Variants in ARHGAP6 observed in about 807,000 individuals in gnomAD.
ARHGAP6 encodes rho GTPase-activating protein 6.
In ARHGAP6, 16 loss-of-function variants were observed where a neutral mutation model predicts 55.7. The ratio of observed to expected loss-of-function variants is 0.29; its 90% CI spans 0.19 to 0.44. The LOEUF is 0.44. Ranked by LOEUF, ARHGAP6 falls within the 20% of genes least tolerant of loss-of-function variation. ARHGAP6 has a pLI of 1.00. For synonymous variants in ARHGAP6, 382 were observed against 360.9 expected (o/e 1.06, Z -0.66); for missense variants, 698 against 808.9 (o/e 0.86, Z 1.66).
chrX:11,396,136 G>C (rs1449349567), intron 1 of ARHGAP6, among the ~76,000 whole-genome samples: 1 of 111,159 alleles, frequency 9.0e-6, no homozygotes, highest in Non-Finnish European at 1.9e-5. Flanking sequence ...ATAGAAAGGA[G>C]AGTATATGTG....
intron 2 of ARHGAP6, among the ~76,000 whole-genome samples, chrX:11,199,679 C>A (rs893696455): frequency 1.4e-4 from 16 of 112,381 alleles, no homozygotes; most frequent in African/African-American, 5.2e-4. Flanking sequence ...AAACTCCAGA[C>A]AACATCTTGA....
At chrX:11,637,112 C>T (rs5979446) in intron 1 of ARHGAP6, among the ~76,000 whole-genome samples, 13,911 of 110,996 alleles carry the variant, frequency 0.13, 796 homozygotes, top group Middle Eastern at 0.23. Context: ...TGTAAACTTA[C>T]GCAGAAAATC....
chrX:11,427,702 C>T, intron 1 of ARHGAP6: 1 of 807,855 alleles, frequency 1.2e-6, no homozygotes, highest in South Asian at 4.1e-5. Flanking sequence ...TGGGCGCGAG[C>T]CCTGCTCCGT....
At chrX:11,345,954 G>A (rs1160656402) in intron 1 of ARHGAP6, among the ~76,000 whole-genome samples, 1 of 107,514 alleles carries the variant, frequency 9.3e-6, no homozygotes, top group African/African-American at 3.6e-5. Context: ...GTGAAAAGAT[G>A]GACTTTTAGG....
rs188791829 is a variant in ARHGAP6, at chrX:11,505,075, C to T, written c.588+159166G>A. Among the ~76,000 whole-genome samples, 10 of 110,781 alleles carry T rather than the reference C, an allele frequency of 9.0e-5. No homozygotes were observed. In the East Asian group the frequency reaches 2.8e-3, roughly 31 times the overall value. On this transcript the variant is annotated intron_variant, in intron 1 of 12. Transcript: ENST00000337414. ...AAGACCAACATAATGAAGGAAGGCGCAACAGAGTCCAAACTAGGCAGATGA... is the reference window on the plus strand; with the variant it reads ...AAGACCAACATAATGAAGGAAGGCGTAACAGAGTCCAAACTAGGCAGATGA...
intron 1 of ARHGAP6, among the ~76,000 whole-genome samples, chrX:11,275,785 AC>A (rs940183162): frequency 9.0e-6 from 1 of 111,315 alleles, no homozygotes; most frequent in Non-Finnish European, 1.9e-5. Context: ...AGCCCAGAGG[AC>A]TTCATGGTTA....
chrX:11,663,781 A>G (rs915823340), intron 1 of ARHGAP6, among the ~76,000 whole-genome samples: 3 of 111,777 alleles, frequency 2.7e-5, no homozygotes, highest in African/African-American at 9.8e-5. Context: ...ACACACACAC[A>G]CTCACTCATA....
rs1569241041 is a variant in ARHGAP6 at position 11,174,562 on chromosome X, C to T, written c.1629+3538G>A. On this transcript the variant is annotated intron_variant, in intron 8 of 12. Coordinates refer to ENST00000337414, the MANE Select transcript of ARHGAP6 (RefSeq NM_013427.3). ...CCTTCCTTCCTTCCTTCCTTCCTTC[C>T]TTCCTTCCTTCCTTTCTTTCTTTCT... Among the ~76,000 whole-genome samples the T allele has an allele frequency of 1.5e-3, 122 of 79,535 alleles. 2 individuals are homozygous for T. The highest frequency in any genetic ancestry group is 4.9e-3 in the African/African-American group (95 of 19,503). The allele number at this position is 79,535 out of a possible 115,157, so 69.1% of individuals were successfully genotyped here. A position where few individuals can be genotyped will look rare whatever the true frequency, so the allele number is the denominator to read the frequency against.
intron 1 of ARHGAP6, among the ~76,000 whole-genome samples, chrX:11,518,382 G>A (rs2050868147): frequency 9.1e-6 from 1 of 109,318 alleles, no homozygotes; most frequent in Non-Finnish European, 1.9e-5. Flanking sequence ...GGCTTCAAGC[G>A]ATTTTCCTGC....
chrX:11,463,978 A>G (rs992300431), intron 1 of ARHGAP6, among the ~76,000 whole-genome samples: 11 of 112,200 alleles, frequency 9.8e-5, no homozygotes, highest in African/African-American at 3.6e-4. Context: ...GCTTGAAGAA[A>G]CCTGGGTCCC....
intron 2 of ARHGAP6, among the ~76,000 whole-genome samples, chrX:11,249,614 T>C (rs1017859135): frequency 1.5e-4 from 17 of 111,742 alleles, no homozygotes; most frequent in Non-Finnish European, 3.2e-4. Flanking sequence ...ATTTCTTTAA[T>C]GAATGTGAGG....
At chrX:11,359,207 C>T (rs1243836757) in intron 1 of ARHGAP6, among the ~76,000 whole-genome samples, 1 of 111,994 alleles carries the variant, frequency 8.9e-6, no homozygotes, top group East Asian at 2.8e-4. Flanking sequence ...TGTACAGAAA[C>T]ATTTTCTGCT....
chrX:11,173,959 C>A (rs767943631), intron 8 of ARHGAP6, among the ~76,000 whole-genome samples: 2 of 110,856 alleles, frequency 1.8e-5, no homozygotes, highest in Non-Finnish European at 3.8e-5. Flanking sequence ...TGCAATCCCC[C>A]CAAACAACAC....
At chrX:11,375,810 A>G (rs2049193919) in intron 1 of ARHGAP6, among the ~76,000 whole-genome samples, 1 of 112,331 alleles carries the variant, frequency 8.9e-6, no homozygotes, top group Non-Finnish European at 1.9e-5. Context: ...GAAGCTAAGA[A>G]GGACAGAAAA....
intron 2 of ARHGAP6, among the ~76,000 whole-genome samples, chrX:11,245,159 C>G (rs1358405902): frequency 2.7e-5 from 3 of 112,126 alleles, no homozygotes; most frequent in Non-Finnish European, 5.6e-5. Flanking sequence ...TTGGACAGAT[C>G]ATCTCCACTG....
chrX:11,159,425 G>T (rs1243683198), intron 9 of ARHGAP6, among the ~76,000 whole-genome samples: 2 of 111,005 alleles, frequency 1.8e-5, no homozygotes, highest in African/African-American at 6.6e-5. Context: ...GAGGTGATGA[G>T]AAATATTTCC....
At chrX:11,388,298 T>C (rs2049356884) in intron 1 of ARHGAP6, among the ~76,000 whole-genome samples, 1 of 112,252 alleles carries the variant, frequency 8.9e-6, no homozygotes, top group Non-Finnish European at 1.9e-5. Flanking sequence ...ATTTCTCTGA[T>C]GGCCAGTGAT....
chrX:11,526,511 T>C (rs1337245604), intron 1 of ARHGAP6, among the ~76,000 whole-genome samples: 1 of 111,827 alleles, frequency 8.9e-6, no homozygotes, highest in Non-Finnish European at 1.9e-5. Flanking sequence ...ACCTTGCATT[T>C]CTCCCCAGCT....
chrX:11,211,110 C>A (rs2046787909), intron 2 of ARHGAP6, among the ~76,000 whole-genome samples: 1 of 111,382 alleles, frequency 9.0e-6, no homozygotes, highest in Admixed American at 9.6e-5. Flanking sequence ...ATAAATGATA[C>A]AACCAGCCTC....
Sources: allele counts gnomAD v4.1 joint callset (sites outside exome capture counted in the v4.1 genomes callset), GRCh38; gene constraint gnomAD v4.1.1; transcripts MANE v1.5; gene names NCBI Gene and HGNC (gene_info 2026-07-23, HGNC 2026-07-21).